NDUFAF1: variants seen among roughly 807,000 people sequenced by gnomAD.
The protein encoded by NDUFAF1 is NADH:ubiquinone oxidoreductase complex assembly factor 1.
In NDUFAF1, 18 loss-of-function variants were observed where a neutral mutation model predicts 28.7. The observed-to-expected ratio is 0.63, with a 90% CI of 0.43 to 0.93. NDUFAF1 has a LOEUF of 0.93. NDUFAF1 is among the 40% of genes least tolerant of loss of function. NDUFAF1 has a pLI of 0.00. For synonymous variants in NDUFAF1, 113 were observed against 139.7 expected (o/e 0.81, Z 1.35); for missense variants, 404 against 398.3 (o/e 1.01, Z -0.12).
rs534238039 is a variant in NDUFAF1 at position 41,391,607 on chromosome 15, TA to T, written c.760-3086del. The stretch of plus-strand genomic sequence containing the variant: ...GGGCAGTAAGAGTGAGACTCCATCT[TA>T]AAAAAAAAAAAAAAAAGAATTTATA... On this transcript the variant is annotated intron_variant, in intron 3 of 4. Coordinates refer to ENST00000260361, the MANE Select transcript of NDUFAF1 (RefSeq NM_016013.4). 4.6e-3 allele frequency among the ~76,000 whole-genome samples: 582 copies of T among 127,742 alleles called. 1 individual carries two copies. Among genetic ancestry groups the T allele is most frequent in the African/African-American group, 6.8e-3 (232 of 33,870 alleles). 83.8% of individuals were successfully genotyped at this position (127,742 alleles called of 152,430 possible).
rs1381172766 is a variant in NDUFAF1 at position 41,402,324 on chromosome 15, G to C, written c.-262C>G. ...CTTGGCGTATACCTCCCGCACTCAC[G>C]GCCTGGCCTCCGGAGGCTAGACGGT... On this transcript the variant is annotated 5_prime_UTR_variant, in exon 1 of 5. Coordinates refer to ENST00000260361, the MANE Select transcript of NDUFAF1 (RefSeq NM_016013.4). 4.4e-6 allele frequency: 2 copies of C among 454,074 alleles called. No homozygotes were observed. The highest frequency in any genetic ancestry group is 6.9e-5 in the East Asian group (1 of 14,398). The allele number at this position is 454,074 out of a possible 1,614,324, so 28.1% of individuals were successfully genotyped here.
intron 3 of NDUFAF1, among the ~76,000 whole-genome samples, chr15:41,391,389 G>A (rs767008198): frequency 4.5e-4 from 69 of 152,084 alleles, no homozygotes; most frequent in Non-Finnish European, 2.9e-4. Context: ...TGGGAGGCGA[G>A]TCGGGTGGAT....
At chr15:41,396,437 G>T (rs1163985982) in intron 2 of NDUFAF1, 50 bp downstream of exon 2, 2 of 1,539,112 alleles carry the variant, frequency 1.3e-6, no homozygotes, top group Non-Finnish European at 1.8e-6. Flanking sequence ...ATGCTACAAT[G>T]AAGTTCACCC....
rs926100873 is a variant in NDUFAF1, at chr15:41,402,412, C to G, written c.-350G>C. 2.3e-6 allele frequency: 1 copy of G among 442,736 alleles called. No homozygotes were observed. Among genetic ancestry groups the G allele is most frequent in the Non-Finnish European group, 4.6e-6 (1 of 218,452 alleles). 27.4% of individuals were successfully genotyped at this position (442,736 alleles called of 1,614,324 possible). ...CAGGGCTCTGTCGCCTCCCCACACC[C>G]GGGACACACCAACCGCCGGCCTGCC... On this transcript the variant is annotated 5_prime_UTR_variant, in exon 1 of 5. Coordinates refer to ENST00000260361, the MANE Select transcript of NDUFAF1 (RefSeq NM_016013.4).
chr15:41,400,319 A>C (rs2050444778), intron 1 of NDUFAF1, among the ~76,000 whole-genome samples: 1 of 150,712 alleles, frequency 6.6e-6, no homozygotes, highest in South Asian at 2.1e-4. Context: ...TGGTGAGCCA[A>C]GATCACGCCA....
chr15:41,390,811 T>C (rs1010638087), intron 3 of NDUFAF1, among the ~76,000 whole-genome samples: 5 of 151,906 alleles, frequency 3.3e-5, no homozygotes, highest in African/African-American at 1.2e-4. Flanking sequence ...GGTGGGCGGA[T>C]CATGAGGCCA....
intron 1 of NDUFAF1, among the ~76,000 whole-genome samples, chr15:41,400,241 C>T (rs1482631161): frequency 6.6e-6 from 1 of 150,650 alleles, no homozygotes; most frequent in Non-Finnish European, 1.5e-5. Context: ...TGTGGTGGCG[C>T]ACAACTGTAG....
chr15:41,395,093 C>G, intron 2 of NDUFAF1, 49 bp from the exon 3 acceptor site: 4 of 1,562,212 alleles, frequency 2.6e-6, no homozygotes, highest in Non-Finnish European at 3.5e-6. Flanking sequence ...CCATTATTAG[C>G]AAAATGTGAG....
intron 1 of NDUFAF1, among the ~76,000 whole-genome samples, chr15:41,398,537 G>A (rs59836577): frequency 0.016 from 2,452 of 151,204 alleles, 77 homozygotes; most frequent in African/African-American, 0.057. Flanking sequence ...CTGCAGCGCC[G>A]TGGCAAGATC....
intron 1 of NDUFAF1, among the ~76,000 whole-genome samples, chr15:41,400,058 T>TA: frequency 6.8e-6 from 1 of 148,072 alleles, no homozygotes; most frequent in Non-Finnish European, 1.5e-5. Context: ...GGACTCTGTC[T>TA]AAAAAATAAA....
chr15:41,401,907 G>C (rs1267826541), intron 1 of NDUFAF1, among the ~76,000 whole-genome samples: 1 of 152,210 alleles, frequency 6.6e-6, no homozygotes, highest in South Asian at 2.1e-4. Context: ...TACACATACC[G>C]AAATTTGAGA....
In NDUFAF1 at chr15:41,387,363, T is replaced by C. The variant is rs895120845; in HGVS notation, c.*81A>G. On this transcript the variant is annotated 3_prime_UTR_variant, in exon 5 of 5. Coordinates refer to ENST00000260361, the MANE Select transcript of NDUFAF1 (RefSeq NM_016013.4). ...CATACTAGCCATTGGTTGGATGCCA[T>C]TAAAGAAATATTTTATTTTGTCTAT... 28 of 1,354,690 alleles carry C rather than the reference T, an allele frequency of 2.1e-5. No homozygotes were observed. The highest frequency in any genetic ancestry group is 2.4e-5 in the South Asian group (2 of 84,176). 83.9% of individuals were successfully genotyped at this position (1,354,690 alleles called of 1,614,324 possible). A position where few individuals can be genotyped will look rare whatever the true frequency, so the allele number is the denominator to read the frequency against.
intron 3 of NDUFAF1, among the ~76,000 whole-genome samples, chr15:41,388,813 G>A (rs1384398462): frequency 6.6e-6 from 1 of 150,942 alleles, no homozygotes; most frequent in Non-Finnish European, 1.5e-5. Flanking sequence ...CCTGAACCCG[G>A]GAGGTAGAGG....
chr15:41,387,740 A>G, intron 4 of NDUFAF1, 147 bp from the exon 5 acceptor site: 2 of 662,314 alleles, frequency 3.0e-6, no homozygotes, highest in South Asian at 1.8e-5. Context: ...CTCCCATAGC[A>G]TACTGTAAGA....
In NDUFAF1 at chr15:41,387,502, T is replaced by G. The variant is rs746082814; in HGVS notation, c.926A>C (p.His309Pro). ...DFIGVFTDPA[H>P]TEEFAYENSP... is the part of the protein sequence containing the mutation. ...ATTTTCATAGGCAAATTCTTCTGTA[T>G]GAGCTGGATCAGTAAACACGCCAAT... Residue 309 changes from histidine to proline, a missense_variant, in exon 5 of 5, where the codon CAT (histidine) becomes CCT (proline). By Grantham distance (77) the His-to-Pro change is moderately conservative. Transcript: ENST00000260361. The G allele has an allele frequency of 6.8e-5, 109 of 1,613,566 alleles. 2 individuals carry two copies. The Admixed American group carries it at 1.8e-3, about 26-fold the overall frequency.
upstream of NDUFAF1, among the ~76,000 whole-genome samples, chr15:41,402,834 C>T (rs527896480): frequency 1.4e-3 from 207 of 149,946 alleles, 1 homozygote; most frequent in African/African-American, 5.0e-3. Context: ...CAGATTCAAG[C>T]GATTCTCCTG....
At chr15:41,402,517 T>G, upstream of NDUFAF1, 1 of 318,966 alleles carries the variant, frequency 3.1e-6, no homozygotes, top group South Asian at 2.5e-5. Context: ...GCTTTTCCCT[T>G]CCGATGCCAA....
In NDUFAF1 at chr15:41,391,387, G is replaced by A. The variant is rs1406638304; in HGVS notation, c.760-2865C>T. Among the ~76,000 whole-genome samples the A allele has an allele frequency of 3.3e-5, 5 of 152,004 alleles. No individual in the cohort carries two copies. The South Asian group carries it at 6.2e-4, about 19-fold the overall frequency. ...CTATAATCCCAATACCTTGGGAGGC[G>A]AGTCGGGTGGATCACTTGATGTCAG... On this transcript the variant is annotated intron_variant, in intron 3 of 4. Transcript: ENST00000260361.
intron 1 of NDUFAF1, among the ~76,000 whole-genome samples, chr15:41,397,538 G>T (rs1227707382): frequency 6.6e-6 from 1 of 152,244 alleles, no homozygotes; most frequent in East Asian, 1.9e-4. Context: ...GGTGGCTGAC[G>T]CCTGTAATCC....
Sources: allele counts gnomAD v4.1 joint callset (sites outside exome capture counted in the v4.1 genomes callset), GRCh38; gene constraint gnomAD v4.1.1; transcripts MANE v1.5; gene names NCBI Gene and HGNC (gene_info 2026-07-23, HGNC 2026-07-21).